The following TJP2 variants were observed in gnomAD, a reference collection of about 807,000 sequenced individuals.
TJP2 encodes Friedreich ataxia region gene X104 (tight junction protein ZO-2).
Under a neutral mutation model 133.1 loss-of-function variants are expected in TJP2, and 91 were observed. The observed-to-expected ratio is 0.68, with a 90% CI of 0.58 to 0.81. The LOEUF is 0.81. Ranked by LOEUF, TJP2 falls within the 40% of genes least tolerant of loss-of-function variation. TJP2 has a pLI of 0.00. For synonymous variants in TJP2, 592 were observed against 583.4 expected (o/e 1.01, Z -0.21); for missense variants, 1,541 against 1,565.6 (o/e 0.98, Z 0.26).
chr9:69,153,516 G>A (rs1272526543), intron 2 of TJP2, among the ~76,000 whole-genome samples: 1 of 152,096 alleles, frequency 6.6e-6, no homozygotes, highest in Admixed American at 6.5e-5. Flanking sequence ...CCCAGGAGGT[G>A]GAGGTTACAG....
chr9:69,221,309 G>A lies in TJP2; in HGVS notation c.765G>A (p.Arg255=). 3 of 1,604,922 alleles carry A rather than the reference G, an allele frequency of 1.9e-6. No individual in the cohort carries two copies. The East Asian group carries it at 6.8e-5, about 36-fold the overall frequency. ...IDQDYERAYH[R]AYDPDYERAY... ...AGGACTACGAGCGAGCCTATCACCG[G>A]GCCTACGACCCAGACTACGAGCGGG... The change falls in exon 5 of 23, where the codon CGG becomes CGA. Residue 255 remains arginine (R), a synonymous_variant. Transcript: ENST00000377245.
chr9:69,188,372 T>G (rs905405525), intron 1 of TJP2, among the ~76,000 whole-genome samples: 5 of 152,092 alleles, frequency 3.3e-5, no homozygotes, highest in Admixed American at 3.3e-4. Flanking sequence ...TTAAGTAAAT[T>G]GCCCAGTGTC....
Position 69,254,723 on chromosome 9 carries a change from G to T in TJP2, c.*349G>T. 1 of 560,278 alleles carries T rather than the reference G, an allele frequency of 1.8e-6. No homozygotes were observed. The highest frequency in any genetic ancestry group is 2.8e-5 in the East Asian group (1 of 35,570). 34.7% of individuals were successfully genotyped at this position (560,278 alleles called of 1,614,324 possible). On this transcript the variant is annotated 3_prime_UTR_variant, in exon 23 of 23. Coordinates refer to ENST00000377245, the MANE Select transcript of TJP2 (RefSeq NM_004817.4). ...TAACTATTTTTCCTCATTAATAGCT[G>T]CCTTCAAGGACTGTTTCAGTGTGAG...
At chr9:69,174,847 C>T (rs1824949872) in intron 1 of TJP2, among the ~76,000 whole-genome samples, 1 of 151,418 alleles carries the variant, frequency 6.6e-6, no homozygotes, top group Non-Finnish European at 1.5e-5. Flanking sequence ...ACTGAAAACT[C>T]ATCACAGAGC....
intron 1 of TJP2, among the ~76,000 whole-genome samples, chr9:69,195,633 G>A (rs139705478): frequency 1.3e-3 from 203 of 152,266 alleles, no homozygotes; most frequent in African/African-American, 4.6e-3. Flanking sequence ...TACTTAGCAC[G>A]GTGTCTGGCA....
chr9:69,219,120 C>G (rs1042561081), intron 4 of TJP2, among the ~76,000 whole-genome samples: 20 of 152,064 alleles, frequency 1.3e-4, no homozygotes, highest in Admixed American at 6.5e-5. Flanking sequence ...CAGGCATGCA[C>G]CACCACACCT....
At chr9:69,154,226 C>G (rs1823626989) in intron 2 of TJP2, among the ~76,000 whole-genome samples, 1 of 152,176 alleles carries the variant, frequency 6.6e-6, no homozygotes, top group Non-Finnish European at 1.5e-5. Context: ...AGGTTTCTCT[C>G]TAAGGCCAGT....
chr9:69,205,255 C>G lies in TJP2; in HGVS notation c.61-7293C>G, dbSNP rs566121116. The G allele has an allele frequency of 5.4e-5, 83 of 1,537,250 alleles. No individual in the cohort carries two copies. The Admixed American group carries it at 8.2e-4, about 15-fold the overall frequency. On this transcript the variant is annotated intron_variant, in intron 1 of 22. Transcript: ENST00000377245. ...CCGTGTGAGTCCCTCTGCAAGCTCTCCCCTTGTTTTCCCCAACCTTTCTTC... is the reference window on the plus strand; with the variant it reads ...CCGTGTGAGTCCCTCTGCAAGCTCTGCCCTTGTTTTCCCCAACCTTTCTTC...
chr9:69,174,509 C>G, intron 1 of TJP2, 77 bp downstream of exon 1: 1 of 1,445,900 alleles, frequency 6.9e-7, no homozygotes, highest in Non-Finnish European at 9.5e-7. Context: ...GCTCTGCTCG[C>G]GTGCTGCTCT....
chr9:69,229,583 G>A (rs1321107396), intron 10 of TJP2, among the ~76,000 whole-genome samples: 2 of 152,318 alleles, frequency 1.3e-5, no homozygotes, highest in African/African-American at 4.8e-5. Context: ...GGTGCCCTGT[G>A]GTGACTGCAC....
intron 1 of TJP2, among the ~76,000 whole-genome samples, chr9:69,145,042 T>C (rs1250213913): frequency 6.6e-6 from 1 of 152,228 alleles, no homozygotes; most frequent in African/African-American, 2.4e-5. Context: ...TATATTTTCA[T>C]GATGGCAGGG....
At chr9:69,136,025 A>G (rs1277309913) in intron 1 of TJP2, among the ~76,000 whole-genome samples, 24 of 152,188 alleles carry the variant, frequency 1.6e-4, no homozygotes, top group Admixed American at 1.6e-3. Context: ...AGATAGAAGG[A>G]TGACTATGAC....
At chr9:69,122,856 G>T (rs1587861460) in intron 1 of TJP2, among the ~76,000 whole-genome samples, 1 of 152,188 alleles carries the variant, frequency 6.6e-6, no homozygotes. Flanking sequence ...CGGTAGGTAA[G>T]TTAAGCCCTT....
At chr9:69,196,208 A>G (rs1425960446) in intron 1 of TJP2, among the ~76,000 whole-genome samples, 3 of 152,204 alleles carry the variant, frequency 2.0e-5, no homozygotes, top group Admixed American at 6.5e-5. Context: ...TGGAGAGGCA[A>G]GGTTCTTCAG....
chr9:69,176,866 G>A (rs1036794445), intron 1 of TJP2, among the ~76,000 whole-genome samples: 1 of 152,136 alleles, frequency 6.6e-6, no homozygotes, highest in Non-Finnish European at 1.5e-5. Flanking sequence ...GAAACTAGGC[G>A]GGGCCACTTT....
chr9:69,238,913 C>CTGGTCCCAA, intron 16 of TJP2, 124 bp downstream of exon 16: 1 of 863,764 alleles, frequency 1.2e-6, no homozygotes. Context: ...ATTGGCCGGG[C>CTGGTCCCAA]ACAGTGGCTT....
In TJP2 at chr9:69,221,246, C is replaced by G. The variant is rs1410129763; in HGVS notation, c.702C>G (p.Asp234Glu). Residue 234 changes from aspartate to glutamate, a missense_variant, in exon 5 of 23, where the codon GAC becomes GAG. Asp to Glu is a conservative substitution (Grantham distance 45). Transcript: ENST00000377245. ...GLDHDFGPSRDRDRDRSRGRS... is the reference protein window; with the variant it reads ...GLDHDFGPSRERDRDRSRGRS... ...ACCACGACTTTGGGCCATCCCGGGA[C>G]CGGGACCGTGACCGCAGCCGCGGCC... 6.2e-7 allele frequency: 1 copy of G among 1,607,994 alleles called. No individual in the cohort carries two copies. The highest frequency in any genetic ancestry group is 1.7e-5 in the Admixed American group (1 of 59,612).
In TJP2 at chr9:69,163,048, C is replaced by T. The variant is rs1237582319; in HGVS notation, c.-10+11277C>T. ...TTATTTTATTTTTTTTTTTTTGAGA[C>T]GGAGTCTCGCTCTGTCGCCCAGGCT... is the stretch of plus-strand genomic sequence containing the variant. On this transcript the variant is annotated intron_variant, in intron 2 of 5. Coordinates refer to the TJP2 transcript ENST00000423935. Among the ~76,000 whole-genome samples, 3 of 36,698 alleles carry T rather than the reference C, an allele frequency of 8.2e-5. 1 individual carries two copies. The highest frequency in any genetic ancestry group is 3.5e-4 in the African/African-American group (3 of 8,570). 24.1% of individuals were successfully genotyped at this position (36,698 alleles called of 152,430 possible).
chr9:69,248,390 CTG>C, intron 19 of TJP2, 166 bp downstream of exon 19: 4 of 1,435,346 alleles, frequency 2.8e-6, no homozygotes, highest in Non-Finnish European at 3.7e-6. Context: ...TGGTTGCAGT[CTG>C]TGGGAAAGTG....
Sources: allele counts gnomAD v4.1 joint callset (sites outside exome capture counted in the v4.1 genomes callset), GRCh38; gene constraint gnomAD v4.1.1; transcripts MANE v1.5; gene names NCBI Gene and HGNC (gene_info 2026-07-23, HGNC 2026-07-21).